EPM2A: variants seen among roughly 807,000 people sequenced by gnomAD.
The protein encoded by EPM2A is EPM2A glucan phosphatase, laforin.
In EPM2A, 21 loss-of-function variants were observed where a neutral mutation model predicts 26.5. The ratio of observed to expected loss-of-function variants is 0.79; its 90% CI spans 0.56 to 1.14. The LOEUF is 1.14. EPM2A is among the 50% of genes most tolerant of loss of function. EPM2A has a pLI of 0.00. For synonymous variants in EPM2A, 217 were observed against 177.6 expected, an observed-to-expected ratio of 1.22 and a Z score of -1.76; for missense variants, 458 against 440.8, an observed-to-expected ratio of 1.04 and a Z score of -0.35.
At chr6:145,730,941 A>G (rs778529481) in intron 1 of EPM2A, among the ~76,000 whole-genome samples, 24 of 152,128 alleles carry the variant, frequency 1.6e-4, no homozygotes, top group Non-Finnish European at 2.8e-4. Context: ...TCCCATCACC[A>G]ACATGGAATA....
At chr6:145,551,225 G>C (rs1260200580) in intron 2 of EPM2A, among the ~76,000 whole-genome samples, 2 of 151,964 alleles carry the variant, frequency 1.3e-5, no homozygotes, top group Admixed American at 1.3e-4. Flanking sequence ...TAAATGCACT[G>C]TTAACACACA....
At chr6:145,542,879 C>T (rs543838371) in intron 2 of EPM2A, among the ~76,000 whole-genome samples, 2 of 152,264 alleles carry the variant, frequency 1.3e-5, no homozygotes, top group South Asian at 4.1e-4. Context: ...TTGTCTCAGC[C>T]TCCCGCGTAG....
chr6:145,505,166 A>T (rs910484492), intron 2 of EPM2A, among the ~76,000 whole-genome samples: 1 of 148,156 alleles, frequency 6.7e-6, no homozygotes, highest in African/African-American at 2.5e-5. Flanking sequence ...TAGTGGGTGC[A>T]GTGCACCAGC....
chr6:145,685,980 G>T, intron 2 of EPM2A, 142 bp downstream of exon 2: 2 of 729,986 alleles, frequency 2.7e-6, no homozygotes, highest in Non-Finnish European at 2.4e-6. Context: ...CTGATTCACT[G>T]TAATTTTCTC....
intron 4 of EPM2A, among the ~76,000 whole-genome samples, chr6:145,457,317 G>A (rs767755460): frequency 3.3e-5 from 5 of 151,496 alleles, no homozygotes; most frequent in Non-Finnish European, 7.4e-5. Context: ...AACCCCTTCT[G>A]TACTGAAAAA....
intron 2 of EPM2A, among the ~76,000 whole-genome samples, chr6:145,679,097 G>A (rs1344277436): frequency 6.6e-6 from 1 of 152,116 alleles, no homozygotes; most frequent in Non-Finnish European, 1.5e-5. Flanking sequence ...CATGTCCTTT[G>A]CAGGGACATG....
intron 2 of EPM2A, 115 bp downstream of exon 2, chr6:145,686,007 C>T: frequency 5.7e-6 from 5 of 872,950 alleles, no homozygotes; most frequent in Non-Finnish European, 9.4e-6. Flanking sequence ...GTACTACAGG[C>T]CTATAGACCC....
chr6:145,478,988 T>A (rs866246350), intron 4 of EPM2A, among the ~76,000 whole-genome samples: 2 of 151,606 alleles, frequency 1.3e-5, no homozygotes, highest in South Asian at 2.1e-4. Context: ...TTTCTATATA[T>A]GTTCTACTCT....
intron 2 of EPM2A, among the ~76,000 whole-genome samples, chr6:145,646,566 A>T (rs981651583): frequency 5.3e-5 from 8 of 151,954 alleles, no homozygotes; most frequent in African/African-American, 1.9e-4. Flanking sequence ...ACACACATTT[A>T]TTCTTACCAT....
intron 2 of EPM2A, among the ~76,000 whole-genome samples, chr6:145,673,761 A>T (rs1779823907): frequency 6.6e-6 from 1 of 152,124 alleles, no homozygotes. Flanking sequence ...TTCAGTAGGT[A>T]AACAAAGTGG....
At chr6:145,726,959 A>G (rs757512691) in intron 1 of EPM2A, among the ~76,000 whole-genome samples, 2 of 152,178 alleles carry the variant, frequency 1.3e-5, no homozygotes, top group Non-Finnish European at 2.9e-5. Flanking sequence ...CAACAGAGGA[A>G]ACTGGGTAAG....
chr6:145,692,084 T>C (rs1027793292), intron 1 of EPM2A, among the ~76,000 whole-genome samples: 3 of 151,960 alleles, frequency 2.0e-5, no homozygotes, highest in African/African-American at 7.2e-5. Context: ...ATATTACTAT[T>C]ATATAAAGTA....
chr6:145,724,532 T>A (rs1416887635), intron 1 of EPM2A, among the ~76,000 whole-genome samples: 1 of 152,054 alleles, frequency 6.6e-6, no homozygotes, highest in Non-Finnish European at 1.5e-5. Context: ...TTGAAAAGCA[T>A]ATGACCAACA....
chr6:145,519,237 G>A (rs1319229941), intron 2 of EPM2A, among the ~76,000 whole-genome samples: 1 of 152,150 alleles, frequency 6.6e-6, no homozygotes, highest in Non-Finnish European at 1.5e-5. Context: ...CTAGGACTCT[G>A]TATTTTTAGT....
intron 2 of EPM2A, among the ~76,000 whole-genome samples, chr6:145,592,120 C>T (rs969779442): frequency 6.6e-6 from 1 of 151,192 alleles, no homozygotes; most frequent in Admixed American, 6.6e-5. Flanking sequence ...GTTAACTCGT[C>T]ATTTACATTA....
chr6:145,529,454 G>T (rs1348301110), intron 2 of EPM2A, among the ~76,000 whole-genome samples: 1 of 152,124 alleles, frequency 6.6e-6, no homozygotes, highest in Non-Finnish European at 1.5e-5. Flanking sequence ...ACTGAGGCAA[G>T]ATCCTCCATA....
chr6:145,667,080 T>A (rs1392248564), intron 2 of EPM2A, among the ~76,000 whole-genome samples: 7 of 125,034 alleles, frequency 5.6e-5, no homozygotes, highest in African/African-American at 1.8e-4. Context: ...AACCTAGGCA[T>A]TACCATTCAG....
intron 4 of EPM2A, among the ~76,000 whole-genome samples, chr6:145,466,649 A>AAAT (rs1779398104): frequency 6.6e-6 from 1 of 152,258 alleles, no homozygotes; most frequent in East Asian, 1.9e-4. Context: ...CTGGGTATAT[A>AAAT]CCCAAAGGAC....
chr6:145,497,048 T>C (rs1188765132), downstream of EPM2A, among the ~76,000 whole-genome samples: 1 of 152,198 alleles, frequency 6.6e-6, no homozygotes, highest in Non-Finnish European at 1.5e-5. Context: ...TATCCTGATT[T>C]CTCCTCCTGT....
Sources: gnomAD v4.1 joint callset for allele counts (sites outside exome capture counted in the v4.1 genomes callset) on GRCh38, gnomAD v4.1.1 for gene constraint, MANE v1.5 for transcripts, NCBI Gene and HGNC (gene_info 2026-07-23, HGNC 2026-07-21) for gene names.